The following DCC variants were observed in gnomAD, a reference collection of about 807,000 sequenced individuals.
The protein encoded by DCC is netrin receptor DCC.
A neutral mutation model predicts 172.5 loss-of-function variants in DCC; 58 were observed. The observed-to-expected ratio is 0.34, with a 90% CI of 0.27 to 0.42. The LOEUF (loss-of-function observed/expected upper bound fraction) is 0.42. DCC is among the 10% of genes least tolerant of loss of function. DCC has a pLI of 1.00. For missense variants in DCC, 1,740 were observed against 1,791.0 expected (o/e 0.97, Z 0.51); for synonymous variants, 709 against 644.5 (o/e 1.10, Z -1.52).
chr18:52,423,474 T>A (rs1987320162), intron 1 of DCC, among the ~76,000 whole-genome samples: 1 of 151,760 alleles, frequency 6.6e-6, no homozygotes, highest in Non-Finnish European at 1.5e-5. Context: ...GCCTCTTGAC[T>A]ACACAGGCTT....
intron 3 of DCC, among the ~76,000 whole-genome samples, chr18:52,919,824 C>T (rs2040092997): frequency 6.6e-6 from 1 of 151,972 alleles, no homozygotes; most frequent in Non-Finnish European, 1.5e-5. Flanking sequence ...CACCACCTGA[C>T]TTCAAGACTT....
chr18:53,379,271 G>A (rs1907543131), intron 15 of DCC, among the ~76,000 whole-genome samples: 1 of 152,258 alleles, frequency 6.6e-6, no homozygotes, highest in Non-Finnish European at 1.5e-5. Flanking sequence ...AAAGATGCAG[G>A]AACATGCAGA....
At chr18:52,808,964 CACTT>C (rs1441054447) in intron 2 of DCC, among the ~76,000 whole-genome samples, 18 of 152,214 alleles carry the variant, frequency 1.2e-4, no homozygotes, top group African/African-American at 4.1e-4. Flanking sequence ...AAAATGTTTC[CACTT>C]ACTTTAACCC....
At chr18:52,945,272 T>C (rs758777746) in intron 5 of DCC, among the ~76,000 whole-genome samples, 4 of 152,214 alleles carry the variant, frequency 2.6e-5, no homozygotes, top group African/African-American at 4.8e-5. Flanking sequence ...ATGCTTAAGA[T>C]AGATGATCTT....
At chr18:53,408,433 C>A (rs1450930780) in intron 19 of DCC, among the ~76,000 whole-genome samples, 1 of 152,154 alleles carries the variant, frequency 6.6e-6, no homozygotes, top group African/African-American at 2.4e-5. Flanking sequence ...TCAGTTCCTG[C>A]CACAAAGTAT....
intron 20 of DCC, among the ~76,000 whole-genome samples, chr18:53,414,177 T>C (rs1286943626): frequency 6.6e-6 from 1 of 152,210 alleles, no homozygotes; most frequent in Non-Finnish European, 1.5e-5. Flanking sequence ...CAAGATTTCA[T>C]AAAACTTATT....
At chr18:52,573,204 A>G (rs1006036245) in intron 1 of DCC, among the ~76,000 whole-genome samples, 1 of 152,154 alleles carries the variant, frequency 6.6e-6, no homozygotes, top group Non-Finnish European at 1.5e-5. Context: ...TTGATTTACT[A>G]TCAATAATAA....
chr18:52,758,929 TAG>T (rs1234279521), intron 2 of DCC: 1 of 152,178 alleles, frequency 6.6e-6, no homozygotes, highest in Non-Finnish European at 1.5e-5. Context: ...TTTACATTTA[TAG>T]AGATATTGTT....
intron 1 of DCC, among the ~76,000 whole-genome samples, chr18:52,388,581 A>G (rs1037839514): frequency 1.8e-4 from 26 of 146,508 alleles, no homozygotes; most frequent in South Asian, 6.5e-4. Flanking sequence ...TGTGTAGGGG[A>G]AAAAAAAAAA....
At chr18:53,401,857 A>G (rs1553334) in intron 18 of DCC, among the ~76,000 whole-genome samples, 100,975 of 152,090 alleles carry the variant, frequency 0.66, 36,739 homozygotes, top group Non-Finnish European at 0.82. Context: ...GGCTAGCTTA[A>G]CCAGTTTGCT....
At chr18:52,425,807 G>T (rs1987405412) in intron 1 of DCC, among the ~76,000 whole-genome samples, 1 of 152,112 alleles carries the variant, frequency 6.6e-6, no homozygotes, top group Non-Finnish European at 1.5e-5. Context: ...TGTGACTTTG[G>T]CTTGTGGTGT....
chr18:52,884,750 G>A (rs1264423651), intron 2 of DCC, among the ~76,000 whole-genome samples: 1 of 152,154 alleles, frequency 6.6e-6, no homozygotes, highest in African/African-American at 2.4e-5. Context: ...TGGTCCTGAT[G>A]ATTACAGATG....
In DCC at chr18:53,460,215, A is replaced by G. The variant is rs1362758756; in HGVS notation, c.3619+757A>G. On this transcript the variant is annotated intron_variant, in intron 24 of 28. Coordinates refer to ENST00000442544, the MANE Select transcript of DCC (RefSeq NM_005215.4). The stretch of plus-strand genomic sequence containing the variant: ...TGCTTATGGGAATCATCAACCAAAT[A>G]CTATCATCAAAAAATCCCTTGGTCT... Among the ~76,000 whole-genome samples, 10 of 95,964 alleles carry G rather than the reference A, an allele frequency of 1.0e-4. 3 individuals are homozygous for G. The highest frequency in any genetic ancestry group is 7.1e-3 in the Middle Eastern group (1 of 140). The allele number at this position is 95,964 out of a possible 152,430, so 63.0% of individuals were successfully genotyped here. A position where few individuals can be genotyped will look rare whatever the true frequency, so the allele number is the denominator to read the frequency against.
At chr18:52,386,786 A>G (rs1225456453) in intron 1 of DCC, among the ~76,000 whole-genome samples, 1 of 152,108 alleles carries the variant, frequency 6.6e-6, no homozygotes, top group Non-Finnish European at 1.5e-5. Context: ...TTTCTAATAT[A>G]TTACAATTGC....
intron 14 of DCC, among the ~76,000 whole-genome samples, chr18:53,325,325 T>C (rs772109802): frequency 6.6e-6 from 1 of 151,930 alleles, no homozygotes; most frequent in Non-Finnish European, 1.5e-5. Flanking sequence ...AAACAAACGA[T>C]TCTAAGAAGT....
intron 1 of DCC, among the ~76,000 whole-genome samples, chr18:52,567,797 G>A (rs1461252482): frequency 1.3e-5 from 2 of 151,890 alleles, no homozygotes; most frequent in Non-Finnish European, 2.9e-5. Flanking sequence ...TTAAATTTAT[G>A]CAAAATAAGC....
At chr18:53,036,661 TTAGA>T (rs2042096700) in intron 5 of DCC, among the ~76,000 whole-genome samples, 1 of 152,026 alleles carries the variant, frequency 6.6e-6, no homozygotes, top group African/African-American at 2.4e-5. Context: ...TGTTAACAGC[TTAGA>T]TAGGTAGCAT....
intron 12 of DCC, among the ~76,000 whole-genome samples, chr18:53,225,977 G>A (rs771970859): frequency 6.6e-6 from 1 of 152,138 alleles, no homozygotes; most frequent in Non-Finnish European, 1.5e-5. Context: ...TGGGCATGGG[G>A]CAGAGTGGTG....
At chr18:52,450,380 A>G (rs1156568699) in intron 1 of DCC, among the ~76,000 whole-genome samples, 1 of 152,212 alleles carries the variant, frequency 6.6e-6, no homozygotes, top group African/African-American at 2.4e-5. Flanking sequence ...AACATCTACT[A>G]TATACCAGAC....
Sources: gnomAD v4.1 joint callset for allele counts (sites outside exome capture counted in the v4.1 genomes callset) on GRCh38, gnomAD v4.1.1 for gene constraint, MANE v1.5 for transcripts, NCBI Gene and HGNC (gene_info 2026-07-23, HGNC 2026-07-21) for gene names.